DNAJC9: variants seen among roughly 807,000 people sequenced by gnomAD.
DNAJC9 encodes the protein DnaJ heat shock protein family (Hsp40) member C9.
Under a neutral mutation model 32.4 loss-of-function variants are expected in DNAJC9, and 18 were observed. The observed-to-expected ratio is 0.56, with a 90% CI of 0.38 to 0.82. The LOEUF (loss-of-function observed/expected upper bound fraction) is 0.82. Ranked by LOEUF, DNAJC9 falls within the 40% of genes least tolerant of loss-of-function variation. DNAJC9 has a pLI of 0.00. For synonymous variants in DNAJC9, 113 were observed against 122.1 expected (o/e 0.93, Z 0.49); for missense variants, 310 against 321.8 (o/e 0.96, Z 0.28).
downstream of DNAJC9, chr10:73,235,090 T>C (rs1213238139): frequency 7.6e-6 from 11 of 1,447,466 alleles, no homozygotes; most frequent in Non-Finnish European, 1.0e-5. Flanking sequence ...ATTGGAGCTG[T>C]TTGGCCTGCA....
At chr10:73,235,357 G>A, downstream of DNAJC9, 1 of 1,549,244 alleles carries the variant, frequency 6.5e-7, no homozygotes, top group South Asian at 1.2e-5. Flanking sequence ...TTGATAGTTG[G>A]GGAAAGAAAA....
rs770568936 is a variant in DNAJC9 at position 73,233,004 on chromosome 10, C to G, written n.147+10839G>C. The stretch of plus-strand genomic sequence containing the variant: ...ACCATCCTTTCAACTCGAAATTGGC[C>G]AAATCGAGCTGTGGAGTTTAGTACA... On this transcript the variant is annotated intron_variant and non_coding_transcript_variant, in intron 2 of 2. Coordinates refer to the DNAJC9 transcript ENST00000469143. 7.1e-6 allele frequency: 11 copies of G among 1,551,906 alleles called. No homozygotes were observed. In the South Asian group the frequency reaches 1.2e-4, roughly 17 times the overall value.
intron 2 of DNAJC9, chr10:73,232,949 G>A: frequency 6.5e-7 from 1 of 1,546,954 alleles, no homozygotes; most frequent in East Asian, 2.4e-5. Flanking sequence ...AGATCTTGAT[G>A]ACAAGCTACT....
intron 3 of DNAJC9, chr10:73,244,194 G>T: frequency 9.4e-6 from 4 of 425,070 alleles, no homozygotes. Context: ...TAAATCACAT[G>T]ATGATAAAAA....
intron 2 of DNAJC9, among the ~76,000 whole-genome samples, chr10:73,233,759 A>T (rs776076943): frequency 5.3e-5 from 8 of 152,254 alleles, no homozygotes; most frequent in Admixed American, 2.6e-4. Context: ...TACAAAAGGA[A>T]TAAAGAACCT....
Position 73,243,531 on chromosome 10 carries a change from GT to G in DNAJC9, c.664-13del. 6.2e-7 allele frequency: 1 copy of G among 1,613,792 alleles called. No individual in the cohort carries two copies. The highest frequency in any genetic ancestry group is 1.1e-5 in the South Asian group (1 of 91,006). On this transcript the variant is annotated splice_polypyrimidine_tract_variant and intron_variant, in intron 4 of 4. Transcript: ENST00000372950. ...TCCTTTTGTCTGCTCTGTTTGAGAA[GT>G]TAAAACACAAGCTTTCACAACATTA...
chr10:73,246,261 A>G, intron 2 of DNAJC9, 85 bp from the exon 3 acceptor site: 1 of 1,414,520 alleles, frequency 7.1e-7, no homozygotes, highest in Middle Eastern at 1.8e-4. Flanking sequence ...TGGGTGTTGA[A>G]TTGCTGCAAT....
downstream of DNAJC9, among the ~76,000 whole-genome samples, chr10:73,236,628 G>A (rs529678614): frequency 6.6e-6 from 1 of 151,854 alleles, no homozygotes; most frequent in Non-Finnish European, 1.5e-5. Flanking sequence ...TGGCCAGGCT[G>A]GTCTCGAACT....
At chr10:73,237,252 AACTC>A (rs2043842261), downstream of DNAJC9, among the ~76,000 whole-genome samples, 2 of 152,182 alleles carry the variant, frequency 1.3e-5, no homozygotes, top group South Asian at 4.1e-4. Context: ...CTTAGGGAGA[AACTC>A]ACCAAAAACA....
downstream of DNAJC9, chr10:73,241,011 G>C (rs2043939698): frequency 1.0e-5 from 16 of 1,533,214 alleles, no homozygotes; most frequent in Non-Finnish European, 1.2e-5. Context: ...AACCAGGCAG[G>C]GACCATAAGG....
chr10:73,245,311 A>T (rs897817755), intron 3 of DNAJC9, among the ~76,000 whole-genome samples: 1 of 152,024 alleles, frequency 6.6e-6, no homozygotes, highest in Non-Finnish European at 1.5e-5. Flanking sequence ...AAGAGAATCT[A>T]ACGCCCGATG....
downstream of DNAJC9, among the ~76,000 whole-genome samples, chr10:73,236,532 G>C (rs1312606215): frequency 6.6e-6 from 1 of 151,106 alleles, no homozygotes; most frequent in African/African-American, 2.4e-5. Context: ...TCCTGCCTCA[G>C]CCTCCCGAAT....
intron 2 of DNAJC9, chr10:73,233,338 T>TCTGGAG: frequency 1.7e-6 from 1 of 581,036 alleles, no homozygotes; most frequent in Non-Finnish European, 3.0e-6. Flanking sequence ...GTGGTTAAAT[T>TCTGGAG]TTATTTTATT....
chr10:73,240,918 A>G (rs1343818395), downstream of DNAJC9: 2 of 1,340,280 alleles, frequency 1.5e-6, no homozygotes, highest in Admixed American at 2.0e-5. Context: ...TAGACTGTCT[A>G]CTAATGTTAC....
At position 73,242,062 on chromosome 10, in the gene DNAJC9, T is replaced by C. The variant is rs1287928790; in HGVS notation, c.*1338A>G. The C allele has an allele frequency of 6.6e-6, 1 of 152,228 alleles. No individual in the cohort carries two copies. The highest frequency in any genetic ancestry group is 1.5e-5 in the Non-Finnish European group (1 of 68,044). The allele number at this position is 152,228 out of a possible 1,614,324, so 9.4% of individuals were successfully genotyped here. ...CAGAATGGATAAATTCAAATAATCA[T>C]AAATTACGGTAACTTTTTATTATAC... On this transcript the variant is annotated 3_prime_UTR_variant, in exon 5 of 5. Coordinates refer to ENST00000372950, the MANE Select transcript of DNAJC9 (RefSeq NM_015190.5).
intron 3 of DNAJC9, 117 bp from the exon 4 acceptor site, chr10:73,244,046 A>T: frequency 1.3e-6 from 1 of 758,678 alleles, no homozygotes; most frequent in South Asian, 1.8e-5. Flanking sequence ...GAATAGACAA[A>T]ATGAATCGAA....
At chr10:73,241,075 A>G (rs938920547), downstream of DNAJC9, 7 of 986,686 alleles carry the variant, frequency 7.1e-6, no homozygotes, top group African/African-American at 1.0e-4. Context: ...ATGAAGCAGT[A>G]TTCAGTCATC....
rs373818198 is a variant in DNAJC9, at chr10:73,246,023, T to A, written c.475A>T (p.Ile159Leu). 1.2e-6 allele frequency: 2 copies of A among 1,613,734 alleles called. No individual in the cohort carries two copies. Among genetic ancestry groups the A allele is most frequent in the Non-Finnish European group, 1.7e-6 (2 of 1,179,850 alleles). The change falls in exon 3 of 5, where the codon ATA becomes TTA. Residue 159 changes from isoleucine (I) to leucine (L), a missense_variant. Transcript: ENST00000372950. ...ATAGCTTGCTGAATGATATTCCTTA[T>A]CCTGGGTTCCTCTGTGTACTGCACG... ...LCVQYTEEPR[I>L]RNIIQQAIDA...
chr10:73,241,417 T>G (rs1349592083), downstream of DNAJC9: 1 of 210,812 alleles, frequency 4.7e-6, no homozygotes, highest in Non-Finnish European at 9.7e-6. Context: ...TCAGAATACT[T>G]CAGCCTGTGT....
Sources: gnomAD v4.1 joint callset for allele counts (sites outside exome capture counted in the v4.1 genomes callset) on GRCh38, gnomAD v4.1.1 for gene constraint, MANE v1.5 for transcripts, NCBI Gene and HGNC (gene_info 2026-07-23, HGNC 2026-07-21) for gene names.